The following MOB3B variants were observed in gnomAD, a reference collection of about 807,000 sequenced individuals.
MOB3B encodes the protein MOB kinase activator-like 2B.
In MOB3B, 7 loss-of-function variants were observed where a neutral mutation model predicts 18.7. The observed-to-expected ratio is 0.37, with a 90% CI of 0.21 to 0.70. The LOEUF (loss-of-function observed/expected upper bound fraction) is 0.70. MOB3B is among the 30% of genes least tolerant of loss of function. The probability of loss-of-function intolerance (pLI) is 0.52; values close to 1 mark genes in which losing one functional copy is unlikely to be tolerated. For missense variants in MOB3B, 253 were observed against 281.3 expected, an observed-to-expected ratio of 0.90 and a Z score of 0.72; for synonymous variants, 111 against 99.9, an observed-to-expected ratio of 1.11 and a Z score of -0.66.
chr9:27,503,114 C>A (rs980487528), intron 1 of MOB3B, among the ~76,000 whole-genome samples: 1 of 152,074 alleles, frequency 6.6e-6, no homozygotes, highest in African/African-American at 2.4e-5. Flanking sequence ...TCTAATTCTC[C>A]TCAAATAAAG....
chr9:27,521,176 T>C (rs1001537351), intron 1 of MOB3B, among the ~76,000 whole-genome samples: 4 of 152,204 alleles, frequency 2.6e-5, no homozygotes, highest in African/African-American at 9.7e-5. Flanking sequence ...CACTACAACT[T>C]ATTCCTCCTT....
intron 2 of MOB3B, among the ~76,000 whole-genome samples, chr9:27,414,731 T>C (rs1398537046): frequency 6.6e-6 from 1 of 152,162 alleles, no homozygotes; most frequent in Non-Finnish European, 1.5e-5. Flanking sequence ...TCCTCCCCAA[T>C]AAGTCAAATG....
intron 2 of MOB3B, among the ~76,000 whole-genome samples, chr9:27,430,595 G>A (rs1008804088): frequency 1.5e-4 from 23 of 152,058 alleles, no homozygotes; most frequent in Admixed American, 1.4e-3. Context: ...CTAAAATAGT[G>A]TGTCTGCATC....
intron 2 of MOB3B, among the ~76,000 whole-genome samples, chr9:27,402,075 G>A (rs1452509060): frequency 2.0e-5 from 3 of 152,190 alleles, no homozygotes; most frequent in Non-Finnish European, 2.9e-5. Flanking sequence ...CTCTGTGTCA[G>A]TTTCTTCATC....
chr9:27,501,158 TTAAAC>T (rs1249174930), intron 1 of MOB3B, among the ~76,000 whole-genome samples: 2 of 152,176 alleles, frequency 1.3e-5, no homozygotes, highest in African/African-American at 4.8e-5. Context: ...TGGTGGGAGT[TTAAAC>T]TAGTTCAACA....
intron 2 of MOB3B, among the ~76,000 whole-genome samples, chr9:27,361,127 G>A (rs1455415935): frequency 2.6e-5 from 4 of 152,122 alleles, no homozygotes; most frequent in Non-Finnish European, 4.4e-5. Flanking sequence ...CCAGGAGGTC[G>A]ACATATGTTG....
At chr9:27,439,157 T>G (rs1176570248) in intron 2 of MOB3B, among the ~76,000 whole-genome samples, 1 of 152,170 alleles carries the variant, frequency 6.6e-6, no homozygotes, top group Non-Finnish European at 1.5e-5. Flanking sequence ...GACCTAGGTT[T>G]CCTGAGGTTA....
chr9:27,459,043 C>T (rs1819237386), intron 1 of MOB3B, among the ~76,000 whole-genome samples: 1 of 151,494 alleles, frequency 6.6e-6, no homozygotes, highest in South Asian at 2.1e-4. Flanking sequence ...AATGGCAATC[C>T]AGGATGGATA....
rs541771524 is a variant in MOB3B, at chr9:27,464,885, C to T, written c.-198-9137G>A. Among the ~76,000 whole-genome samples, 2 of 152,190 alleles carry T rather than the reference C, an allele frequency of 1.3e-5. 1 individual carries two copies. Among genetic ancestry groups the T allele is most frequent in the South Asian group, 4.1e-4 (2 of 4,822 alleles). ...ACGAGAATAGCATGGGAAAGACTGG[C>T]CCCCATGATTCAATTATCTCCCCCT... On this transcript the variant is annotated intron_variant, in intron 1 of 3. Transcript: ENST00000262244.
chr9:27,335,160 G>A (rs1335898634), intron 3 of MOB3B, among the ~76,000 whole-genome samples: 1 of 152,206 alleles, frequency 6.6e-6, no homozygotes, highest in Non-Finnish European at 1.5e-5. Context: ...TGTTTACTAG[G>A]GGACAGTCAT....
At chr9:27,515,287 T>A (rs138745522) in intron 1 of MOB3B, among the ~76,000 whole-genome samples, 1 of 152,344 alleles carries the variant, frequency 6.6e-6, no homozygotes, top group African/African-American at 2.4e-5. Context: ...ATTTTGAGAA[T>A]GAAAATGGCT....
intron 1 of MOB3B, among the ~76,000 whole-genome samples, chr9:27,489,476 G>C (rs1397192715): frequency 6.6e-6 from 1 of 152,170 alleles, no homozygotes; most frequent in South Asian, 2.1e-4. Context: ...AGCCACACTT[G>C]CCTTGAAATT....
At chr9:27,479,227 A>AAG (rs1240839890) in intron 1 of MOB3B, among the ~76,000 whole-genome samples, 1 of 151,944 alleles carries the variant, frequency 6.6e-6, no homozygotes, top group East Asian at 1.9e-4. Flanking sequence ...TCATATGGGC[A>AAG]AGAGAGAGAG....
chr9:27,521,980 C>T (rs1050260865), intron 1 of MOB3B, among the ~76,000 whole-genome samples: 19 of 151,958 alleles, frequency 1.3e-4, no homozygotes, highest in Non-Finnish European at 2.4e-4. Flanking sequence ...CAGTGGCTCA[C>T]GCCTGTAATC....
intron 2 of MOB3B, among the ~76,000 whole-genome samples, chr9:27,436,442 C>T (rs899088164): frequency 5.3e-5 from 8 of 152,210 alleles, no homozygotes; most frequent in African/African-American, 1.7e-4. Flanking sequence ...CAAGGTCATG[C>T]ACGTTTTGTT....
rs1246154189 is a variant in MOB3B, at chr9:27,330,631, G to A, written c.622-15C>T. ...GTCATTTCTTTCTGGAAAGCAAGGG[G>A]AAAAGGATGGTTAGGAGAAACTATA... On this transcript the variant is annotated splice_polypyrimidine_tract_variant and intron_variant, in intron 3 of 3. Transcript: ENST00000262244. The A allele has an allele frequency of 1.2e-6, 2 of 1,614,024 alleles. No individual in the cohort carries two copies. Among genetic ancestry groups the A allele is most frequent in the Admixed American group, 3.3e-5 (2 of 60,000 alleles).
At chr9:27,373,521 A>G (rs1435006519) in intron 2 of MOB3B, among the ~76,000 whole-genome samples, 1 of 152,222 alleles carries the variant, frequency 6.6e-6, no homozygotes, top group Non-Finnish European at 1.5e-5. Context: ...TCCCCCAGGT[A>G]CAGACACCCA....
At chr9:27,434,508 C>T (rs1302617467) in intron 2 of MOB3B, among the ~76,000 whole-genome samples, 4 of 152,122 alleles carry the variant, frequency 2.6e-5, no homozygotes, top group Admixed American at 6.6e-5. Flanking sequence ...GCCATTTATA[C>T]GGCCCAGCCA....
intron 2 of MOB3B, among the ~76,000 whole-genome samples, chr9:27,388,899 GA>G: frequency 6.6e-6 from 1 of 152,092 alleles, no homozygotes; most frequent in African/African-American, 2.4e-5. Context: ...AATTCATCTT[GA>G]AAGTTTCCTC....
Sources: gnomAD v4.1 joint callset for allele counts (sites outside exome capture counted in the v4.1 genomes callset) on GRCh38, gnomAD v4.1.1 for gene constraint, MANE v1.5 for transcripts, NCBI Gene and HGNC (gene_info 2026-07-23, HGNC 2026-07-21) for gene names.